Variants in B3GALT1 observed in about 807,000 individuals in gnomAD.
B3GALT1 encodes UDP-Gal:betaGlcNAc beta 1,3-galactosyltransferase, polypeptide 1.
Under a neutral mutation model 23.2 loss-of-function variants are expected in B3GALT1, and 10 were observed. The observed-to-expected ratio is 0.43, with a 90% CI of 0.27 to 0.73. The LOEUF is 0.73. B3GALT1 is among the 30% of genes least tolerant of loss of function. B3GALT1 has a pLI of 0.21. For synonymous variants in B3GALT1, 156 were observed against 141.5 expected (o/e 1.10, Z -0.73); for missense variants, 299 against 405.4 (o/e 0.74, Z 2.25).
chr2:167,575,137 G>A (rs1369491487), intron 2 of B3GALT1, among the ~76,000 whole-genome samples: 1 of 151,754 alleles, frequency 6.6e-6, no homozygotes, highest in Admixed American at 6.6e-5. Flanking sequence ...TTATAGCCCT[G>A]TTATAAGGAT....
intron 2 of B3GALT1, among the ~76,000 whole-genome samples, chr2:167,623,722 G>A (rs948425121): frequency 9.2e-5 from 14 of 152,008 alleles, no homozygotes; most frequent in African/African-American, 3.1e-4. Context: ...TGCACGTTCT[G>A]TGCATATATC....
chr2:167,686,970 T>G (rs1285407847), intron 3 of B3GALT1, among the ~76,000 whole-genome samples: 1 of 152,216 alleles, frequency 6.6e-6, no homozygotes, highest in Non-Finnish European at 1.5e-5. Flanking sequence ...TTTCTTAATC[T>G]GCCAGGAAGA....
chr2:167,361,580 CA>C (rs1205793982), intron 1 of B3GALT1, among the ~76,000 whole-genome samples: 1 of 152,044 alleles, frequency 6.6e-6, no homozygotes, highest in Non-Finnish European at 1.5e-5. Context: ...AATCCATGAA[CA>C]AAAACTCCAA....
chr2:167,475,022 G>A (rs147582863), intron 1 of B3GALT1, among the ~76,000 whole-genome samples: 3 of 152,184 alleles, frequency 2.0e-5, no homozygotes, highest in Admixed American at 2.0e-4. Flanking sequence ...AACTTTATTA[G>A]TTCACTAGGG....
chr2:167,390,836 A>G (rs1326401370), intron 1 of B3GALT1, among the ~76,000 whole-genome samples: 1 of 152,234 alleles, frequency 6.6e-6, no homozygotes, highest in African/African-American at 2.4e-5. Context: ...TTACTCATCT[A>G]TTCATTTTAA....
At position 167,672,966 on chromosome 2, in the gene B3GALT1, A is replaced by AAG. The variant is rs143190700; in HGVS notation, c.-352+26012_-352+26013dup. On this transcript the variant is annotated intron_variant, in intron 3 of 4. Transcript: ENST00000392690. ...TCTACTGAAAATTGACTAGGAGTGT[A>AAG]AGAGAGAGAGAGACTGTGTGTGTGT... 5.4e-4 allele frequency among the ~76,000 whole-genome samples: 82 copies of AAG among 151,238 alleles called. 1 individual carries two copies. Among genetic ancestry groups the AAG allele is most frequent in the African/African-American group, 1.9e-3 (77 of 41,252 alleles).
At chr2:167,306,089 A>T (rs1696547884) in intron 1 of B3GALT1, among the ~76,000 whole-genome samples, 1 of 152,100 alleles carries the variant, frequency 6.6e-6, no homozygotes, top group South Asian at 2.1e-4. Flanking sequence ...ACTTCTAGGA[A>T]TCTATTCTAA....
intron 2 of B3GALT1, among the ~76,000 whole-genome samples, chr2:167,616,113 A>G (rs1685157127): frequency 6.6e-6 from 1 of 152,084 alleles, no homozygotes; most frequent in Non-Finnish European, 1.5e-5. Flanking sequence ...TAGTTTATAA[A>G]TCCTTAGAAA....
intron 1 of B3GALT1, among the ~76,000 whole-genome samples, chr2:167,300,964 T>G (rs1028069943): frequency 1.3e-5 from 2 of 152,200 alleles, no homozygotes; most frequent in African/African-American, 2.4e-5. Flanking sequence ...TCTCTCAATA[T>G]AGAAATTCCT....
At chr2:167,367,234 G>GA (rs929405118) in intron 1 of B3GALT1, among the ~76,000 whole-genome samples, 5 of 152,028 alleles carry the variant, frequency 3.3e-5, no homozygotes, top group African/African-American at 4.8e-5. Context: ...ATAAGCCTGG[G>GA]AAAAAAATCA....
intron 2 of B3GALT1, among the ~76,000 whole-genome samples, chr2:167,623,574 G>A (rs1685296544): frequency 6.6e-6 from 1 of 151,992 alleles, no homozygotes; most frequent in Non-Finnish European, 1.5e-5. Context: ...GGCACAGGGA[G>A]GGGAACATCA....
chr2:167,387,075 A>G (rs914369128), intron 1 of B3GALT1, among the ~76,000 whole-genome samples: 1 of 152,116 alleles, frequency 6.6e-6, no homozygotes, highest in Non-Finnish European at 1.5e-5. Context: ...TGTTAGAACC[A>G]GGGAGTCTTC....
chr2:167,844,094 T>C (rs1259160128), intron 4 of B3GALT1, among the ~76,000 whole-genome samples: 1 of 152,184 alleles, frequency 6.6e-6, no homozygotes, highest in African/African-American at 2.4e-5. Flanking sequence ...ATGGCAGTCA[T>C]TGAAAATGAA....
At chr2:167,663,448 C>T (rs554931061) in intron 3 of B3GALT1, among the ~76,000 whole-genome samples, 62 of 151,692 alleles carry the variant, frequency 4.1e-4, no homozygotes, top group South Asian at 6.3e-4. Flanking sequence ...TATAGCAGCA[C>T]GATTTATAGT....
intron 2 of B3GALT1, among the ~76,000 whole-genome samples, chr2:167,496,441 T>A (rs1699784179): frequency 6.6e-6 from 1 of 152,212 alleles, no homozygotes; most frequent in African/African-American, 2.4e-5. Flanking sequence ...GTAATTAGCA[T>A]GCTAATTGGC....
At chr2:167,853,205 T>C (rs1287171227) in intron 4 of B3GALT1, among the ~76,000 whole-genome samples, 1 of 152,206 alleles carries the variant, frequency 6.6e-6, no homozygotes, top group African/African-American at 2.4e-5. Flanking sequence ...TTCAACTTTA[T>C]TCTACCATGA....
intron 4 of B3GALT1, among the ~76,000 whole-genome samples, chr2:167,842,551 A>G (rs948328559): frequency 6.6e-6 from 1 of 152,204 alleles, no homozygotes; most frequent in African/African-American, 2.4e-5. Context: ...AACTGTATGT[A>G]TAATTTTCTT....
At chr2:167,835,161 G>A (rs995622932) in intron 4 of B3GALT1, among the ~76,000 whole-genome samples, 1 of 152,148 alleles carries the variant, frequency 6.6e-6, no homozygotes, top group Non-Finnish European at 1.5e-5. Flanking sequence ...ATCTCACTAG[G>A]GAGTGCCAGA....
chr2:167,331,202 CAGGT>C (rs1696968308), intron 1 of B3GALT1, among the ~76,000 whole-genome samples: 2 of 152,086 alleles, frequency 1.3e-5, no homozygotes, highest in East Asian at 1.9e-4. Flanking sequence ...ACTGGGATGA[CAGGT>C]AGGCCAGCTT....
Sources: gnomAD v4.1 joint callset for allele counts (sites outside exome capture counted in the v4.1 genomes callset) on GRCh38, gnomAD v4.1.1 for gene constraint, MANE v1.5 for transcripts, NCBI Gene and HGNC (gene_info 2026-07-23, HGNC 2026-07-21) for gene names.